CLCN3: variants seen among roughly 807,000 people sequenced by gnomAD.
CLCN3 encodes the protein Cl-/H+ antiporter 3.
In CLCN3, 16 loss-of-function variants were observed where a neutral mutation model predicts 83.4. The ratio of observed to expected loss-of-function variants is 0.19; its 90% confidence interval spans 0.13 to 0.29. The LOEUF is 0.29. Ranked by LOEUF, CLCN3 falls within the 10% of genes least tolerant of loss-of-function variation. The pLI, the probability that CLCN3 is intolerant of heterozygous loss-of-function variation, is 1.00. For missense variants in CLCN3, 544 were observed against 1,006.0 expected, an observed-to-expected ratio of 0.54 and a Z score of 6.21; for synonymous variants, 322 against 346.2, an observed-to-expected ratio of 0.93 and a Z score of 0.78.
intron 2 of CLCN3, among the ~76,000 whole-genome samples, chr4:169,640,448 A>T (rs966835052): frequency 2.6e-5 from 4 of 152,242 alleles, no homozygotes; most frequent in Admixed American, 2.6e-4. Context: ...GCTCAGAGTG[A>T]GTGCTAAACA....
intron 1 of CLCN3, among the ~76,000 whole-genome samples, chr4:169,622,557 A>G (rs946329581): frequency 2.6e-5 from 4 of 152,222 alleles, no homozygotes; most frequent in African/African-American, 9.6e-5. Context: ...ATATTTTATA[A>G]TAAGTGTTAA....
chr4:169,637,971 C>T (rs946594344), intron 2 of CLCN3, among the ~76,000 whole-genome samples: 1 of 152,106 alleles, frequency 6.6e-6, no homozygotes, highest in Non-Finnish European at 1.5e-5. Flanking sequence ...ATCCATATGC[C>T]AATGCCCAGG....
chr4:169,632,348 G>GA (rs1281810762), intron 1 of CLCN3, among the ~76,000 whole-genome samples: 2 of 151,934 alleles, frequency 1.3e-5, no homozygotes, highest in Non-Finnish European at 2.9e-5. Context: ...ACAAGCATGT[G>GA]AAAAAATGCT....
At chr4:169,672,260 A>AGATAGAT (rs1560848445) in intron 2 of CLCN3, among the ~76,000 whole-genome samples, 1 of 151,916 alleles carries the variant, frequency 6.6e-6, no homozygotes, top group East Asian at 1.9e-4. Flanking sequence ...ATAGATAGAT[A>AGATAGAT]AAATGAGGAT....
At chr4:169,678,326 T>C (rs1200979881) in intron 2 of CLCN3, among the ~76,000 whole-genome samples, 1 of 152,236 alleles carries the variant, frequency 6.6e-6, no homozygotes, top group Admixed American at 6.5e-5. Flanking sequence ...GAACATGCCA[T>C]AATCTTTTGG....
chr4:169,631,388 G>A (rs1444172743), intron 1 of CLCN3, among the ~76,000 whole-genome samples: 5 of 152,236 alleles, frequency 3.3e-5, no homozygotes, highest in East Asian at 1.9e-4. Context: ...CTGGTTTCAC[G>A]CCATTCTCCT....
intron 9 of CLCN3, among the ~76,000 whole-genome samples, chr4:169,700,192 C>G (rs1344752766): frequency 8.5e-5 from 13 of 152,192 alleles, no homozygotes; most frequent in Admixed American, 7.9e-4. Context: ...CTCAAGAGTA[C>G]ATGCCATCAT....
At chr4:169,639,890 A>C (rs1284683487) in intron 2 of CLCN3, among the ~76,000 whole-genome samples, 7 of 152,212 alleles carry the variant, frequency 4.6e-5, no homozygotes, top group Admixed American at 4.6e-4. Context: ...CATGATGTTC[A>C]GTGGCTTTCA....
chr4:169,632,215 G>T (rs146131681), intron 1 of CLCN3, among the ~76,000 whole-genome samples: 8 of 152,226 alleles, frequency 5.3e-5, no homozygotes, highest in African/African-American at 1.7e-4. Flanking sequence ...GGCAGAGGGA[G>T]CAACAAAGGC....
chr4:169,634,195 G>C (rs1475135905), intron 1 of CLCN3, among the ~76,000 whole-genome samples: 3 of 152,142 alleles, frequency 2.0e-5, no homozygotes, highest in Non-Finnish European at 4.4e-5. Flanking sequence ...ATTGGAATTT[G>C]CTGATTGAAG....
At chr4:169,641,131 T>TG (rs1730402002) in intron 2 of CLCN3, among the ~76,000 whole-genome samples, 1 of 152,158 alleles carries the variant, frequency 6.6e-6, no homozygotes, top group African/African-American at 2.4e-5. Flanking sequence ...GCTGGGTGCC[T>TG]GTAGTCCCAG....
chr4:169,672,076 G>T (rs1010652026), intron 2 of CLCN3, among the ~76,000 whole-genome samples: 17 of 152,122 alleles, frequency 1.1e-4, no homozygotes, highest in African/African-American at 3.6e-4. Flanking sequence ...GCCGGGCGTG[G>T]TGGTGGGCGC....
At chr4:169,664,610 T>G (rs1291518874) in intron 2 of CLCN3, among the ~76,000 whole-genome samples, 1 of 152,214 alleles carries the variant, frequency 6.6e-6, no homozygotes, top group Non-Finnish European at 1.5e-5. Context: ...GATTCTTTAT[T>G]TGGTGTCAGA....
chr4:169,717,634 C>A (rs1480368721), intron 12 of CLCN3, among the ~76,000 whole-genome samples: 2 of 152,074 alleles, frequency 1.3e-5, no homozygotes, highest in Non-Finnish European at 1.5e-5. Context: ...GCAAAAGGAA[C>A]CTGGAACTTT....
chr4:169,696,849 T>C (rs145843172), intron 8 of CLCN3, among the ~76,000 whole-genome samples: 39 of 151,906 alleles, frequency 2.6e-4, no homozygotes, highest in Middle Eastern at 3.4e-3. Flanking sequence ...GCAAATTAAA[T>C]GCATTATAAG....
At chr4:169,679,785 C>T (rs899521672) in intron 2 of CLCN3, among the ~76,000 whole-genome samples, 1 of 152,106 alleles carries the variant, frequency 6.6e-6, no homozygotes, top group Non-Finnish European at 1.5e-5. Context: ...AGGCACTCGG[C>T]AGGCTGAGGC....
intron 3 of CLCN3, among the ~76,000 whole-genome samples, chr4:169,682,384 A>G (rs942031315): frequency 6.6e-6 from 1 of 152,234 alleles, no homozygotes; most frequent in African/African-American, 2.4e-5. Context: ...GGAAACAAAT[A>G]CACATTTATT....
At chr4:169,696,929 G>T (rs367809948) in intron 8 of CLCN3, among the ~76,000 whole-genome samples, 1 of 151,212 alleles carries the variant, frequency 6.6e-6, no homozygotes, top group Non-Finnish European at 1.5e-5. Flanking sequence ...AACTCATTTT[G>T]AATATAAAAC....
chr4:169,713,925 T>C (rs1160784020), intron 12 of CLCN3, among the ~76,000 whole-genome samples: 2 of 152,204 alleles, frequency 1.3e-5, no homozygotes, highest in Non-Finnish European at 2.9e-5. Flanking sequence ...TGATAATTTA[T>C]TTTTCCACCT....
Sources: gnomAD v4.1 joint callset for allele counts (sites outside exome capture counted in the v4.1 genomes callset) on GRCh38, gnomAD v4.1.1 for gene constraint, MANE v1.5 for transcripts, NCBI Gene and HGNC (gene_info 2026-07-23, HGNC 2026-07-21) for gene names.